SUPT3H: variants seen among roughly 807,000 people sequenced by gnomAD.
The protein encoded by SUPT3H is SPT3 homolog, SAGA and STAGA complex component, also known as transcription initiation protein SPT3 homolog.
A neutral mutation model predicts 44.3 loss-of-function variants in SUPT3H; 44 were observed. The observed-to-expected ratio is 0.99, with a 90% CI of 0.78 to 1.28. SUPT3H has a LOEUF of 1.28. SUPT3H is among the 50% of genes most tolerant of loss of function. The pLI is 0.00. For synonymous variants in SUPT3H, 124 were observed against 125.6 expected, an observed-to-expected ratio of 0.99 and a Z score of 0.09; for missense variants, 380 against 387.1, an observed-to-expected ratio of 0.98 and a Z score of 0.15.
Position 44,900,268 on chromosome 6 carries a change from C to T in SUPT3H, c.912+32385G>A, listed in dbSNP as rs556554746. Among the ~76,000 whole-genome samples, 3 of 152,344 alleles carry T rather than the reference C, an allele frequency of 2.0e-5. No homozygotes were observed. In the South Asian group the frequency reaches 6.2e-4, roughly 32 times the overall value. ...CACAAGGGGTCAGGGAATTACCTTTCCTAGTCAAAGAAAGGGGTGACAGAC... is the reference window on the plus strand; with the variant it reads ...CACAAGGGGTCAGGGAATTACCTTTTCTAGTCAAAGAAAGGGGTGACAGAC... On this transcript the variant is annotated intron_variant, in intron 10 of 10. Transcript: ENST00000371459.
rs1373171927 is a variant in SUPT3H at position 45,181,060 on chromosome 6, T to C, written c.102-75054A>G. ...CCCATCAAAAAGTGGGTGAAGGATA[T>C]GAACAGACACTTCTCAAAAGAAGAC... is the stretch of plus-strand genomic sequence containing the variant. On this transcript the variant is annotated intron_variant, in intron 2 of 10. Coordinates refer to ENST00000371459, the MANE Select transcript of SUPT3H (RefSeq NM_003599.4). Among the ~76,000 whole-genome samples the C allele has an allele frequency of 2.0e-5, 3 of 151,684 alleles. No individual in the cohort carries two copies. In the East Asian group the frequency reaches 5.8e-4, roughly 29 times the overall value.
intron 2 of SUPT3H, among the ~76,000 whole-genome samples, chr6:45,209,540 G>A (rs534918051): frequency 5.3e-5 from 8 of 152,232 alleles, no homozygotes; most frequent in Non-Finnish European, 8.8e-5. Flanking sequence ...AGCCTGTTGT[G>A]TGACTAAAGT....
intron 3 of SUPT3H, among the ~76,000 whole-genome samples, chr6:45,036,111 A>G (rs527307954): frequency 8.5e-5 from 13 of 152,338 alleles, no homozygotes; most frequent in Admixed American, 7.2e-4. Flanking sequence ...ATAAAAACAG[A>G]TAACGCCCAT....
rs80327009 is a variant in SUPT3H at position 44,992,328 on chromosome 6, G to A, written c.504+11325C>T. ...ATCACCATGTGGCAGTCAAATATCC[G>A]TTTAGGCAAGACTAAAAACAGCAGC... On this transcript the variant is annotated intron_variant, in intron 6 of 10. Transcript: ENST00000371459. Among the ~76,000 whole-genome samples the A allele has an allele frequency of 2.7e-3, 408 of 152,218 alleles. 3 individuals are homozygous for A. The highest frequency in any genetic ancestry group is 8.6e-3 in the African/African-American group (357 of 41,548).
chr6:44,892,257 G>C (rs748773560), intron 10 of SUPT3H, among the ~76,000 whole-genome samples: 1 of 152,094 alleles, frequency 6.6e-6, no homozygotes, highest in Non-Finnish European at 1.5e-5. Context: ...CATATGGTTA[G>C]GGCTCTGACT....
intron 6 of SUPT3H, among the ~76,000 whole-genome samples, chr6:44,962,588 T>TG (rs386406911): frequency 2.6e-5 from 4 of 151,530 alleles, no homozygotes; most frequent in African/African-American, 9.7e-5. Context: ...TTAATTTTTT[T>TG]TTTCTGTTGT....
At chr6:45,037,347 A>T (rs1348698761) in intron 3 of SUPT3H, among the ~76,000 whole-genome samples, 5 of 151,842 alleles carry the variant, frequency 3.3e-5, no homozygotes, top group Non-Finnish European at 5.9e-5. Context: ...GATGAACATA[A>T]TGATAAGATA....
chr6:44,950,258 G>A (rs928658997), intron 9 of SUPT3H, among the ~76,000 whole-genome samples: 1 of 152,090 alleles, frequency 6.6e-6, no homozygotes, highest in African/African-American at 2.4e-5. Context: ...ATGCTCCACT[G>A]TGTCAATGTC....
At chr6:45,281,821 A>C (rs1778143302) in intron 2 of SUPT3H, among the ~76,000 whole-genome samples, 1 of 152,138 alleles carries the variant, frequency 6.6e-6, no homozygotes, top group Non-Finnish European at 1.5e-5. Flanking sequence ...CGAATAGCCT[A>C]ACTGGGAGGC....
intron 2 of SUPT3H, among the ~76,000 whole-genome samples, chr6:45,117,904 C>A (rs924256361): frequency 2.6e-5 from 4 of 151,928 alleles, no homozygotes; most frequent in Non-Finnish European, 5.9e-5. Flanking sequence ...AAAAGTTCAT[C>A]TCTAGTCTCA....
At chr6:44,906,374 C>CT (rs1487385252) in intron 10 of SUPT3H, among the ~76,000 whole-genome samples, 2 of 152,026 alleles carry the variant, frequency 1.3e-5, no homozygotes, top group African/African-American at 4.8e-5. Flanking sequence ...GAAATGATGG[C>CT]TAAGCCACCA....
chr6:45,218,380 T>C (rs545999599), intron 2 of SUPT3H, among the ~76,000 whole-genome samples: 52 of 152,050 alleles, frequency 3.4e-4, no homozygotes, highest in African/African-American at 2.7e-4. Context: ...GGAAAAAAAA[T>C]TGATATATCC....
At chr6:44,864,471 T>C (rs576933606) in intron 10 of SUPT3H, among the ~76,000 whole-genome samples, 25 of 152,318 alleles carry the variant, frequency 1.6e-4, no homozygotes, top group Non-Finnish European at 2.2e-4. Context: ...AGGTTCTCCA[T>C]GAGAGCCCCA....
chr6:44,890,913 A>G (rs1373942034), intron 10 of SUPT3H, among the ~76,000 whole-genome samples: 1 of 151,882 alleles, frequency 6.6e-6, no homozygotes, highest in African/African-American at 2.4e-5. Context: ...CAAACACTGC[A>G]AGTCGGAGTT....
chr6:44,916,784 A>G (rs748629927), intron 10 of SUPT3H, among the ~76,000 whole-genome samples: 34 of 152,138 alleles, frequency 2.2e-4, no homozygotes, highest in Admixed American at 3.9e-4. Flanking sequence ...AGCATGTTCT[A>G]TGTTAAGCAC....
chr6:45,227,084 A>T (rs1212480616), intron 2 of SUPT3H, among the ~76,000 whole-genome samples: 1 of 151,154 alleles, frequency 6.6e-6, no homozygotes, highest in Non-Finnish European at 1.5e-5. Context: ...AGCTCAAGGG[A>T]TCATCCTGCT....
chr6:45,150,847 CA>C (rs1806847782), intron 2 of SUPT3H, among the ~76,000 whole-genome samples: 1 of 151,654 alleles, frequency 6.6e-6, no homozygotes, highest in Non-Finnish European at 1.5e-5. Context: ...CTCAGCTTCC[CA>C]AGTAGCTGGG....
intron 2 of SUPT3H, among the ~76,000 whole-genome samples, chr6:45,161,993 C>T (rs1394191175): frequency 6.6e-6 from 1 of 151,414 alleles, no homozygotes; most frequent in African/African-American, 2.4e-5. Flanking sequence ...AGCATTCCAA[C>T]AAATACATAG....
chr6:44,972,414 C>A (rs942979143), intron 6 of SUPT3H, among the ~76,000 whole-genome samples: 2 of 152,184 alleles, frequency 1.3e-5, no homozygotes, highest in Non-Finnish European at 2.9e-5. Flanking sequence ...TTGTCAGCTA[C>A]GCCCCTGTGG....
Sources: gnomAD v4.1 joint callset for allele counts (sites outside exome capture counted in the v4.1 genomes callset) on GRCh38, gnomAD v4.1.1 for gene constraint, MANE v1.5 for transcripts, NCBI Gene and HGNC (gene_info 2026-07-23, HGNC 2026-07-21) for gene names.